Variants in PPM1L observed in about 807,000 individuals in gnomAD.
PPM1L encodes the protein protein phosphatase, Mg2+/Mn2+ dependent 1L.
Under a neutral mutation model 31.4 loss-of-function variants are expected in PPM1L, and 13 were observed. The ratio of observed to expected loss-of-function variants is 0.41; its 90% CI spans 0.27 to 0.66. PPM1L has a LOEUF of 0.66. PPM1L is among the 30% of genes least tolerant of loss of function. The pLI is 0.29. For missense variants in PPM1L, 326 were observed against 453.7 expected, an observed-to-expected ratio of 0.72 and a Z score of 2.56; for synonymous variants, 184 against 175.4, an observed-to-expected ratio of 1.05 and a Z score of -0.39.
chr3:161,033,603 A>G (rs1387072446), intron 2 of PPM1L, among the ~76,000 whole-genome samples: 1 of 152,202 alleles, frequency 6.6e-6, no homozygotes, highest in Non-Finnish European at 1.5e-5. Context: ...AGGATTCCCT[A>G]TTTAATAAAT....
chr3:160,806,540 A>T (rs1452054869), intron 1 of PPM1L, among the ~76,000 whole-genome samples: 1 of 152,090 alleles, frequency 6.6e-6, no homozygotes, highest in African/African-American at 2.4e-5. Context: ...ACTTTTATTG[A>T]TATGTCATAA....
intron 1 of PPM1L, among the ~76,000 whole-genome samples, chr3:160,852,772 G>A (rs1458438221): frequency 1.3e-5 from 2 of 152,120 alleles, no homozygotes; most frequent in Non-Finnish European, 2.9e-5. Context: ...AGGTACTTCA[G>A]GTCATTTACT....
intron 1 of PPM1L, among the ~76,000 whole-genome samples, chr3:160,817,231 A>T (rs1424124941): frequency 1.3e-5 from 2 of 152,038 alleles, no homozygotes; most frequent in Non-Finnish European, 2.9e-5. Context: ...GGAATATAAG[A>T]TTATATGTCA....
chr3:160,863,802 C>T (rs562890267), intron 1 of PPM1L, among the ~76,000 whole-genome samples: 1 of 152,312 alleles, frequency 6.6e-6, no homozygotes, highest in East Asian at 1.9e-4. Flanking sequence ...TACTTGAGCA[C>T]CCTTCCAGGT....
intron 2 of PPM1L, among the ~76,000 whole-genome samples, chr3:161,038,233 C>CAAAAAAA (rs71628440): frequency 1.1e-5 from 1 of 88,976 alleles, no homozygotes; most frequent in African/African-American, 4.2e-5. Flanking sequence ...GACTCCGTCT[C>CAAAAAAA]AAAAAAAAAA....
At chr3:160,844,055 A>G (rs1300087112) in intron 1 of PPM1L, among the ~76,000 whole-genome samples, 1 of 152,198 alleles carries the variant, frequency 6.6e-6, no homozygotes, top group Admixed American at 6.6e-5. Flanking sequence ...AGAGAAGCCA[A>G]AAGACTGGAT....
At chr3:160,767,231 T>C (rs1458036850) in intron 1 of PPM1L, among the ~76,000 whole-genome samples, 1 of 151,494 alleles carries the variant, frequency 6.6e-6, no homozygotes, top group Non-Finnish European at 1.5e-5. Flanking sequence ...CTTTGTGTCT[T>C]AGTTTCTTTT....
intron 1 of PPM1L, among the ~76,000 whole-genome samples, chr3:160,782,903 TG>T (rs1440918623): frequency 6.6e-6 from 1 of 152,212 alleles, no homozygotes; most frequent in African/African-American, 2.4e-5. Context: ...TATTGAATTG[TG>T]TTATTCTTTA....
At chr3:161,057,308 C>T (rs1719441064) in intron 2 of PPM1L, among the ~76,000 whole-genome samples, 2 of 152,076 alleles carry the variant, frequency 1.3e-5, no homozygotes, top group Non-Finnish European at 2.9e-5. Context: ...TAAAGAAATA[C>T]CTGAACTGTC....
At chr3:161,031,122 C>A (rs1160037641) in intron 2 of PPM1L, among the ~76,000 whole-genome samples, 1 of 152,152 alleles carries the variant, frequency 6.6e-6, no homozygotes, top group Non-Finnish European at 1.5e-5. Flanking sequence ...TCAGACAGGT[C>A]AGAAGATTGT....
intron 1 of PPM1L, among the ~76,000 whole-genome samples, chr3:160,793,451 T>C (rs1330203535): frequency 6.6e-6 from 1 of 152,150 alleles, no homozygotes; most frequent in Non-Finnish European, 1.5e-5. Flanking sequence ...CAAGTCGTTA[T>C]GATCTGTGGC....
chr3:161,027,970 A>G lies in PPM1L; in HGVS notation c.575-37433A>G, dbSNP rs375682873. ...GTAAATCAAAGGTTATCCTCATTTT[A>G]TAGATAAACCAAGGCTTAGAAAATG... On this transcript the variant is annotated intron_variant, in intron 2 of 3. Coordinates refer to ENST00000498165, the MANE Select transcript of PPM1L (RefSeq NM_139245.4). Among the ~76,000 whole-genome samples the G allele has an allele frequency of 3.3e-5, 5 of 152,246 alleles. No individual in the cohort carries two copies. In the East Asian group the frequency reaches 7.7e-4, roughly 23 times the overall value.
rs1718288063 is a variant in PPM1L at position 161,023,194 on chromosome 3, G to T, written c.575-42209G>T. Among the ~76,000 whole-genome samples, 4 of 148,688 alleles carry T rather than the reference G, an allele frequency of 2.7e-5. No individual in the cohort carries two copies. The South Asian group carries it at 8.6e-4, about 32-fold the overall frequency. ...GTCTTTGGCTTTTAACAGTTTGATTGTATGTCTTGGTGTGGATTTCTTAGA... is the reference window on the plus strand; with the variant it reads ...GTCTTTGGCTTTTAACAGTTTGATTTTATGTCTTGGTGTGGATTTCTTAGA... On this transcript the variant is annotated intron_variant, in intron 2 of 3. Coordinates refer to ENST00000498165, the MANE Select transcript of PPM1L (RefSeq NM_139245.4).
intron 2 of PPM1L, among the ~76,000 whole-genome samples, chr3:161,057,233 A>C (rs1226353708): frequency 1.3e-5 from 2 of 152,094 alleles, no homozygotes; most frequent in Non-Finnish European, 2.9e-5. Flanking sequence ...CATTACCCTC[A>C]GCTGCTACAG....
At chr3:161,008,031 C>T (rs562591305) in intron 2 of PPM1L, among the ~76,000 whole-genome samples, 1 of 152,276 alleles carries the variant, frequency 6.6e-6, no homozygotes, top group Non-Finnish European at 1.5e-5. Flanking sequence ...CTGGCTCTGG[C>T]TTCTCATTCT....
chr3:160,961,607 A>G, intron 1 of PPM1L, 129 bp from the exon 2 acceptor site: 2 of 625,614 alleles, frequency 3.2e-6, no homozygotes, highest in Non-Finnish European at 2.5e-6. Flanking sequence ...GACGATGACA[A>G]GGACATGCTT....
At chr3:160,923,924 G>A (rs563754002) in intron 1 of PPM1L, among the ~76,000 whole-genome samples, 1 of 152,286 alleles carries the variant, frequency 6.6e-6, no homozygotes, top group South Asian at 2.1e-4. Flanking sequence ...GGAAGCAGAT[G>A]GAATGAACAA....
At chr3:160,950,816 C>A (rs1715554918) in intron 1 of PPM1L, among the ~76,000 whole-genome samples, 1 of 152,192 alleles carries the variant, frequency 6.6e-6, no homozygotes, top group African/African-American at 2.4e-5. Flanking sequence ...TCACTTCTAC[C>A]AGTTCCACTG....
intron 1 of PPM1L, among the ~76,000 whole-genome samples, chr3:160,889,971 A>G (rs1713076351): frequency 6.6e-6 from 1 of 151,616 alleles, no homozygotes; most frequent in South Asian, 2.1e-4. Flanking sequence ...TAAAAACTCA[A>G]ACTGGGTTTT....
Sources: allele counts gnomAD v4.1 joint callset (sites outside exome capture counted in the v4.1 genomes callset), GRCh38; gene constraint gnomAD v4.1.1; transcripts MANE v1.5; gene names NCBI Gene and HGNC (gene_info 2026-07-23, HGNC 2026-07-21).